The following STAC2 variants were observed in gnomAD, a reference collection of about 807,000 sequenced individuals.
STAC2 encodes SH3 and cysteine-rich domain-containing protein 2.
STAC2 carries 36 observed loss-of-function variants against 49.0 expected under a neutral mutation model. That is an observed-to-expected ratio of 0.74 (90% CI 0.56 to 0.97). The LOEUF is 0.97. Among genes scored for constraint, STAC2 ranks in the 50% least tolerant of loss-of-function variants. The probability of loss-of-function intolerance (pLI) is 0.00; values close to 1 mark genes in which losing one functional copy is unlikely to be tolerated. For missense variants in STAC2, 527 were observed against 543.8 expected (o/e 0.97, Z 0.31); for synonymous variants, 239 against 214.7 (o/e 1.11, Z -0.99).
chr17:39,214,639 C>T, intron 7 of STAC2, 152 bp downstream of exon 7: 7 of 1,136,054 alleles, frequency 6.2e-6, no homozygotes, highest in Non-Finnish European at 8.6e-6. Context: ...CTCCCATGCC[C>T]TCTCATCCTG....
In STAC2 at chr17:39,215,198, T is replaced by G; in HGVS notation, c.619A>C (p.Thr207Pro). 1 of 1,613,726 alleles carries G rather than the reference T, an allele frequency of 6.2e-7. No homozygotes were observed. The highest frequency in any genetic ancestry group is 8.5e-7 in the Non-Finnish European group (1 of 1,179,966). ...DSGKVDPVYE[T>P]LRYGTSLALM... ...GCCAGGGAGGTGCCATAGCGCAGGGTCTCGTAGACAGGGTCCACCTTCCCA... is the reference window on the plus strand; with the variant it reads ...GCCAGGGAGGTGCCATAGCGCAGGGGCTCGTAGACAGGGTCCACCTTCCCA... Residue 207 changes from threonine to proline, a missense_variant, in exon 5 of 11, where the codon ACC becomes CCC. Physicochemically the swap from Thr to Pro is conservative, Grantham distance 38. Transcript: ENST00000333461.
chr17:39,212,432 G>A (rs748653290), intron 10 of STAC2, 36 bp from the exon 11 acceptor site: 113 of 1,547,132 alleles, frequency 7.3e-5, no homozygotes, highest in Non-Finnish European at 9.8e-5. Context: ...GGCCTGGCAT[G>A]GCCTGCAGCC....
At position 39,225,574 on chromosome 17, in the gene STAC2, G is replaced by C; in HGVS notation, c.-72C>G. 3 of 1,407,562 alleles carry C rather than the reference G, an allele frequency of 2.1e-6. No individual in the cohort carries two copies. The Admixed American group carries it at 5.3e-5, about 25-fold the overall frequency. 87.2% of individuals were successfully genotyped at this position (1,407,562 alleles called of 1,614,324 possible). A position where few individuals can be genotyped will look rare whatever the true frequency, so the allele number is the denominator to read the frequency against. On this transcript the variant is annotated 5_prime_UTR_variant, in exon 1 of 11. Coordinates refer to ENST00000333461, the MANE Select transcript of STAC2 (RefSeq NM_198993.5). The surrounding 1 kb of genome is among the most constrained non-coding windows in gnomAD (Gnocchi z 8.2). ...CCACCGCGGGCAGGCTGCGGGTGGC[G>C]GGCGTCTCCGGGACTCTGAAGCCGT...
rs561492907 is a variant in STAC2 at position 39,212,940 on chromosome 17, C to T, written c.1131+55G>A. 202 of 1,600,308 alleles carry T rather than the reference C, an allele frequency of 1.3e-4. 1 individual carries two copies. The highest frequency in any genetic ancestry group is 8.3e-4 in the African/African-American group (62 of 74,910). On this transcript the variant is annotated intron_variant, in intron 10 of 10. Transcript: ENST00000333461. The stretch of plus-strand genomic sequence containing the variant: ...TTACCCCCGCACCGCAGCCTGTCTC[C>T]CCCGCCCACTCCCTCCCTCCGCCAT...
In STAC2 at chr17:39,225,900, C is replaced by A. The variant is rs1006247338; in HGVS notation, c.-398G>T. On this transcript the variant is annotated 5_prime_UTR_variant, in exon 1 of 11. Coordinates refer to ENST00000333461, the MANE Select transcript of STAC2 (RefSeq NM_198993.5). The surrounding 1 kb of genome is among the most constrained non-coding windows in gnomAD (Gnocchi z 8.2). ...CCTCCCCTCCCCCGCCGGCCCCAGC[C>A]CGGCACCCGGCGGCCCCTCCGCCCA... 4.3e-6 allele frequency: 1 copy of A among 234,922 alleles called. No individual in the cohort carries two copies. Among genetic ancestry groups the A allele is most frequent in the Non-Finnish European group, 8.4e-6 (1 of 119,694 alleles). 14.6% of individuals were successfully genotyped at this position (234,922 alleles called of 1,614,324 possible). A position where few individuals can be genotyped will look rare whatever the true frequency, so the allele number is the denominator to read the frequency against.
At position 39,216,861 on chromosome 17, in the gene STAC2, C is replaced by T. The variant is rs2046407867; in HGVS notation, c.535G>A (p.Val179Met). The change falls in exon 4 of 11, where the codon GTG becomes ATG. Residue 179 changes from valine to methionine, a missense_variant. Transcript: ENST00000333461. ...FRRNFSSPLLVHEPPPVCATS... is the reference protein window; with the variant it reads ...FRRNFSSPLLMHEPPPVCATS... ...GCACAGACTGGTGGCGGCTCATGCACCAGGAGAGGGGAACTGAAGTTGCGG... is the reference window on the plus strand; with the variant it reads ...GCACAGACTGGTGGCGGCTCATGCATCAGGAGAGGGGAACTGAAGTTGCGG... 6.2e-7 allele frequency: 1 copy of T among 1,604,280 alleles called. No homozygotes were observed. Among genetic ancestry groups the T allele is most frequent in the African/African-American group, 1.3e-5 (1 of 74,746 alleles).
chr17:39,216,816 G>A lies in STAC2; in HGVS notation c.580C>T (p.Pro194Ser). Residue 194 changes from proline to serine, a missense_variant, in exon 4 of 11, where the codon CCC becomes TCC. Transcript: ENST00000333461. ...PVCATSKESP[P>S]TGDSGKVDPV... is the part of the protein sequence containing the mutation. ...GGCCAGGGGGGGCACTCACCAGTGG[G>A]TGGGGACTCTTTGCTTGTGGCACAG... The A allele has an allele frequency of 6.3e-7, 1 of 1,591,146 alleles. No individual in the cohort carries two copies. Among genetic ancestry groups the A allele is most frequent in the Non-Finnish European group, 8.6e-7 (1 of 1,168,964 alleles).
chr17:39,218,096 C>G lies in STAC2; in HGVS notation c.168G>C (p.Ser56=). The change falls in exon 2 of 11, where the codon TCG becomes TCC. Residue 56 remains serine (S), a synonymous_variant. Transcript: ENST00000333461. Reference sequence around the variant, plus strand: ...CGGTGGGGCACTTGAGCTCAGAGCCCGAGCGAAGGAAGAAGTTCTCCAAGC... The same window carrying G: ...CGGTGGGGCACTTGAGCTCAGAGCCGGAGCGAAGGAAGAAGTTCTCCAAGC... The part of the protein sequence containing the change: ...SKSLENFFLR[S]GSELKCPTEV... 7 of 1,613,040 alleles carry G rather than the reference C, an allele frequency of 4.3e-6. No individual in the cohort carries two copies. The highest frequency in any genetic ancestry group is 5.9e-6 in the Non-Finnish European group (7 of 1,180,002).
At chr17:39,212,547 T>A in intron 10 of STAC2, 151 bp from the exon 11 acceptor site, 1 of 631,900 alleles carries the variant, frequency 1.6e-6, no homozygotes, top group Non-Finnish European at 2.8e-6. Context: ...TGGGACCAGA[T>A]CCCAGGAGTG....
intron 3 of STAC2, 49 bp downstream of exon 3, chr17:39,217,027 C>T: frequency 6.2e-7 from 1 of 1,610,116 alleles, no homozygotes; most frequent in Non-Finnish European, 8.5e-7. Context: ...TCCCATGTGA[C>T]AGTACTGGCA....
chr17:39,213,969 G>A lies in STAC2; in HGVS notation c.941+264C>T, dbSNP rs370737451. On this transcript the variant is annotated intron_variant, in intron 8 of 10. Coordinates refer to ENST00000333461, the MANE Select transcript of STAC2 (RefSeq NM_198993.5). ...TGGGATTACAAGGGTGAGCCACCGCGCCCCGCTGGGAGAGGATTCTTGATG... is the reference window on the plus strand; with the variant it reads ...TGGGATTACAAGGGTGAGCCACCGCACCCCGCTGGGAGAGGATTCTTGATG... Among the ~76,000 whole-genome samples, 4 of 152,204 alleles carry A rather than the reference G, an allele frequency of 2.6e-5. 1 individual carries two copies. Among genetic ancestry groups the A allele is most frequent in the Admixed American group, 6.5e-5 (1 of 15,290 alleles).
chr17:39,216,780 G>A (rs529797615), intron 4 of STAC2, 30 bp downstream of exon 4: 1 of 1,552,194 alleles, frequency 6.4e-7, no homozygotes. Flanking sequence ...CACAATGGGA[G>A]CAGGGACTGC....
At chr17:39,213,442 C>T in intron 9 of STAC2, 65 bp downstream of exon 9, 3 of 1,593,764 alleles carry the variant, frequency 1.9e-6, no homozygotes, top group Non-Finnish European at 2.6e-6. Context: ...GGGCAGTGCC[C>T]ATTGGGGGTG....
Position 39,212,313 on chromosome 17 carries a change from G to C in STAC2, c.1215C>G (p.Val405=), listed in dbSNP as rs775035915. The change falls in exon 11 of 11, where the codon GTC becomes GTG. Residue 405 remains valine, a synonymous_variant. Transcript: ENST00000333461. ...SSGKKRGLVP[V]DALTEI is the part of the protein sequence containing the mutation. Reference sequence around the variant, plus strand: ...CCTCTCAGATCTCAGTCAGGGCGTCGACTGGCACCAGGCCCCGCTTCTTGC... The same window carrying C: ...CCTCTCAGATCTCAGTCAGGGCGTCCACTGGCACCAGGCCCCGCTTCTTGC... The C allele has an allele frequency of 1.3e-5, 21 of 1,611,070 alleles. No homozygotes were observed. In the Admixed American group the frequency reaches 3.3e-4, roughly 26 times the overall value.
intron 10 of STAC2, 124 bp downstream of exon 10, chr17:39,212,871 G>T (rs189108109): frequency 2.0e-6 from 3 of 1,465,724 alleles, no homozygotes; most frequent in Non-Finnish European, 1.8e-6. Flanking sequence ...TTTCTAACCC[G>T]CTTTCCCCTC....
At chr17:39,215,798 G>A (rs1435959761) in intron 4 of STAC2, among the ~76,000 whole-genome samples, 2 of 152,084 alleles carry the variant, frequency 1.3e-5, no homozygotes, top group Admixed American at 6.6e-5. Context: ...CCGCCTCCTG[G>A]GTTCAAGCAA....
At chr17:39,217,212 G>A (rs373031729) in intron 2 of STAC2, 39 bp from the exon 3 acceptor site, 10 of 1,594,636 alleles carry the variant, frequency 6.3e-6, no homozygotes, top group African/African-American at 4.0e-5. Flanking sequence ...GGACACCCCC[G>A]TGGGCAACAG....
rs539522291 is a variant in STAC2, at chr17:39,219,594, AG to A, written c.91-1422del. On this transcript the variant is annotated intron_variant, in intron 1 of 10. Coordinates refer to ENST00000333461, the MANE Select transcript of STAC2 (RefSeq NM_198993.5). ...CCCACGCAGGCTCTCAACACATAGT[AG>A]GTGCTCAATCAGCAGCCTTTGGTGA... is the stretch of plus-strand genomic sequence containing the variant. 2.6e-5 allele frequency among the ~76,000 whole-genome samples: 4 copies of A among 152,314 alleles called. No homozygotes were observed. In the East Asian group the frequency reaches 7.7e-4, roughly 29 times the overall value.
intron 2 of STAC2, 28 bp downstream of exon 2, chr17:39,217,839 G>A (rs768134314): frequency 8.6e-5 from 135 of 1,578,724 alleles, no homozygotes; most frequent in Non-Finnish European, 1.1e-4. Context: ...GCCCCTCCCC[G>A]TGGCCGCCTC....
Sources: allele counts gnomAD v4.1 joint callset (sites outside exome capture counted in the v4.1 genomes callset), GRCh38; gene constraint gnomAD v4.1.1; non-coding constraint Gnocchi (gnomAD v3.1); transcripts MANE v1.5; gene names NCBI Gene and HGNC (gene_info 2026-07-23, HGNC 2026-07-21).